Variants in LAMC3 observed in about 807,000 individuals in gnomAD.
LAMC3 encodes the protein laminin subunit gamma-3.
Under a neutral mutation model 173.8 loss-of-function variants are expected in LAMC3, and 128 were observed. The observed-to-expected ratio is 0.74, with a 90% confidence interval of 0.64 to 0.85. The LOEUF (loss-of-function observed/expected upper bound fraction) is 0.85. LAMC3 is among the 40% of genes least tolerant of loss of function. The pLI, the probability that LAMC3 is intolerant of heterozygous loss-of-function variation, is 0.00. For missense variants in LAMC3, 2,022 were observed against 2,156.0 expected (o/e 0.94, Z 1.23); for synonymous variants, 897 against 909.1 (o/e 0.99, Z 0.24).
intron 6 of LAMC3, among the ~76,000 whole-genome samples, chr9:131,040,370 G>A (rs1265690860): frequency 1.3e-5 from 2 of 152,018 alleles, no homozygotes; most frequent in Admixed American, 6.6e-5. Flanking sequence ...GTAGAGATGG[G>A]GTTTTGCCAT....
intron 1 of LAMC3, among the ~76,000 whole-genome samples, chr9:131,017,743 A>G (rs62877661): frequency 1.2e-4 from 12 of 100,134 alleles, no homozygotes; most frequent in African/African-American, 4.3e-4. Flanking sequence ...AAAAAAAAAA[A>G]GGCCAGGTGC....
chr9:131,015,163 C>G (rs1273601244), intron 1 of LAMC3, among the ~76,000 whole-genome samples: 1 of 152,206 alleles, frequency 6.6e-6, no homozygotes, highest in Non-Finnish European at 1.5e-5. Flanking sequence ...CCCAAGGCCA[C>G]AGAGCCAGGA....
In LAMC3 at chr9:131,085,612, G is replaced by A. The variant is rs201780404; in HGVS notation, c.4119G>A (p.Thr1373=). 2.9e-4 allele frequency: 476 copies of A among 1,614,174 alleles called. 1 individual carries two copies. In the South Asian group the frequency reaches 3.2e-3, roughly 11 times the overall value. The part of the protein sequence containing the change: ...DSVSDRLLAD[T]RKKTKQAERM... Reference sequence around the variant, plus strand: ...TCAGTGACAGACTCCTTGCAGACACGAGAAAGAAGACCAAGCAGGCGGAGA... The same window carrying A: ...TCAGTGACAGACTCCTTGCAGACACAAGAAAGAAGACCAAGCAGGCGGAGA... Residue 1373 remains threonine (T), a synonymous_variant, in exon 25 of 28, where the codon ACG becomes ACA. Coordinates refer to ENST00000361069, the MANE Select transcript of LAMC3 (RefSeq NM_006059.4).
In LAMC3 at chr9:131,029,570, AAG is replaced by A. The variant is rs1385890071; in HGVS notation, c.679-2470_679-2469del. 3.9e-5 allele frequency among the ~76,000 whole-genome samples: 6 copies of A among 152,236 alleles called. No homozygotes were observed. In the East Asian group the frequency reaches 1.2e-3, roughly 29 times the overall value. On this transcript the variant is annotated intron_variant, in intron 2 of 27. Coordinates refer to ENST00000361069, the MANE Select transcript of LAMC3 (RefSeq NM_006059.4). The surrounding 1 kb of genome is among the most constrained non-coding windows in gnomAD (Gnocchi z 4.6). ...CAGAAACCAAGAGCAGAGCAGGACAAAGAGAGGCAAGTCTACCTTGCTCTTTT... is the reference window on the plus strand; with the variant it reads ...CAGAAACCAAGAGCAGAGCAGGACAAAGAGGCAAGTCTACCTTGCTCTTTT...
chr9:131,082,468 G>A (rs574921158), intron 24 of LAMC3, among the ~76,000 whole-genome samples: 48 of 152,296 alleles, frequency 3.2e-4, no homozygotes, highest in African/African-American at 1.1e-3. Flanking sequence ...GTCCACTCTG[G>A]CCTGGGCTCC....
At chr9:131,043,121 G>C (rs555079648) in intron 7 of LAMC3, among the ~76,000 whole-genome samples, 1 of 152,192 alleles carries the variant, frequency 6.6e-6, no homozygotes, top group African/African-American at 2.4e-5. Flanking sequence ...TACCCACTGA[G>C]CTGGATTTTG....
At chr9:131,038,128 A>G (rs999273345) in intron 4 of LAMC3, among the ~76,000 whole-genome samples, 7 of 152,114 alleles carry the variant, frequency 4.6e-5, no homozygotes, top group Admixed American at 2.6e-4. Context: ...TGCCTGGCCT[A>G]TTCCTCACTG....
At chr9:131,021,489 T>C (rs192436231) in intron 1 of LAMC3, among the ~76,000 whole-genome samples, 318 of 152,274 alleles carry the variant, frequency 2.1e-3, no homozygotes, top group African/African-American at 7.4e-3. Flanking sequence ...TATAACTGTG[T>C]AGGGAAAAAC....
chr9:131,074,699 G>GA (rs67374198), intron 20 of LAMC3, among the ~76,000 whole-genome samples: 80 of 129,674 alleles, frequency 6.2e-4, no homozygotes, highest in Admixed American at 1.8e-3. Context: ...CCATCTCAAA[G>GA]AAAAAAAAAA....
At chr9:131,031,976 G>A in intron 2 of LAMC3, 69 bp from the exon 3 acceptor site, 5 of 1,612,932 alleles carry the variant, frequency 3.1e-6, no homozygotes, top group South Asian at 2.2e-5. Flanking sequence ...GGATCTGCCA[G>A]CAGAGCGATG....
intron 1 of LAMC3, among the ~76,000 whole-genome samples, chr9:131,019,531 C>T (rs1320322773): frequency 6.6e-6 from 1 of 152,220 alleles, no homozygotes; most frequent in African/African-American, 2.4e-5. Flanking sequence ...GTCATGATCC[C>T]TGGATGAGTC....
At chr9:131,055,426 T>TC (rs1362342653) in intron 11 of LAMC3, among the ~76,000 whole-genome samples, 1 of 138,872 alleles carries the variant, frequency 7.2e-6, no homozygotes, top group Non-Finnish European at 1.6e-5. Context: ...TTTCTTTCTT[T>TC]TTTTTTTTTT....
rs770973170 is a variant in LAMC3 at position 131,026,613 on chromosome 9, A to AGGTTGGGACGG, written c.678+34_678+44dup. The AGGTTGGGACGG allele has an allele frequency of 1.5e-5, 23 of 1,547,718 alleles. No individual in the cohort carries two copies. The highest frequency in any genetic ancestry group is 2.6e-6 in the Non-Finnish European group (3 of 1,147,528). ...AGGTCAGGGAGGAGCGGGGCTTCGG[A>AGGTTGGGACGG]GGTTGGGACGGGGTTGGGACTGGGT... On this transcript the variant is annotated intron_variant, in intron 2 of 27. Transcript: ENST00000361069. The surrounding 1 kb of genome is among the most constrained non-coding windows in gnomAD (Gnocchi z 4.8).
rs560682534 is a variant in LAMC3 at position 131,087,627 on chromosome 9, G to C, written c.4377+5G>C. On this transcript the variant is annotated splice_donor_5th_base_variant and intron_variant, in intron 26 of 27. Transcript: ENST00000361069. ...GAGCTGGAGGAAGCTGAGCGGGTAC[G>C]TTTGCCAGGGCCCCTACCCTATCGC... is the stretch of plus-strand genomic sequence containing the variant. 148 of 1,613,862 alleles carry C rather than the reference G, an allele frequency of 9.2e-5. No individual in the cohort carries two copies. In the East Asian group the frequency reaches 3.1e-3, roughly 34 times the overall value.
chr9:131,088,808 A>G (rs1371209383), intron 27 of LAMC3, among the ~76,000 whole-genome samples: 2 of 152,046 alleles, frequency 1.3e-5, no homozygotes, highest in Non-Finnish European at 2.9e-5. Context: ...TGGGCCAGGC[A>G]GGGTGGCTCA....
At chr9:131,089,684 G>C (rs538279088) in intron 27 of LAMC3, among the ~76,000 whole-genome samples, 1 of 151,808 alleles carries the variant, frequency 6.6e-6, no homozygotes, top group African/African-American at 2.4e-5. Flanking sequence ...CACCATGCCC[G>C]GCCTTATTTG....
intron 12 of LAMC3, among the ~76,000 whole-genome samples, chr9:131,058,865 G>T (rs1008976492): frequency 2.7e-5 from 4 of 147,522 alleles, no homozygotes; most frequent in African/African-American, 1.0e-4. Context: ...TTGCACTCCA[G>T]CCTGGGTGAC....
At chr9:131,071,666 G>T in intron 18 of LAMC3, 41 bp downstream of exon 18, 2 of 1,511,230 alleles carry the variant, frequency 1.3e-6, no homozygotes, top group Non-Finnish European at 8.9e-7. Flanking sequence ...GAGGCAAGGG[G>T]AGGCCCCCAG....
chr9:131,073,771 T>G (rs193193025), intron 20 of LAMC3, among the ~76,000 whole-genome samples: 1 of 152,104 alleles, frequency 6.6e-6, no homozygotes, highest in East Asian at 1.9e-4. Flanking sequence ...CCTGGACCCA[T>G]CTGCCATCAG....
Sources: gnomAD v4.1 joint callset for allele counts (sites outside exome capture counted in the v4.1 genomes callset) on GRCh38, gnomAD v4.1.1 for gene constraint, Gnocchi (gnomAD v3.1) non-coding constraint, MANE v1.5 for transcripts, NCBI Gene and HGNC (gene_info 2026-07-23, HGNC 2026-07-21) for gene names.